GABRB1: variants seen among roughly 807,000 people sequenced by gnomAD.
GABRB1 encodes gamma-aminobutyric acid receptor subunit beta-1.
In GABRB1, 17 loss-of-function variants were observed where a neutral mutation model predicts 51.6. That is an observed-to-expected ratio of 0.33 (90% CI 0.23 to 0.49). The LOEUF (loss-of-function observed/expected upper bound fraction) is 0.49, where lower values mean the gene tolerates loss of function less well. Among genes scored for constraint, GABRB1 ranks in the 20% least tolerant of loss-of-function variants. The probability of loss-of-function intolerance (pLI) is 0.99; values close to 1 mark genes in which losing one functional copy is unlikely to be tolerated. For synonymous variants in GABRB1, 247 were observed against 218.9 expected (o/e 1.13, Z -1.14); for missense variants, 410 against 600.6 (o/e 0.68, Z 3.32).
intron 3 of GABRB1, among the ~76,000 whole-genome samples, chr4:47,069,025 C>A (rs990069539): frequency 5.9e-5 from 9 of 152,144 alleles, no homozygotes; most frequent in African/African-American, 2.2e-4. Flanking sequence ...AAACTAATCT[C>A]ATCTCATCTC....
At chr4:47,361,116 T>A (rs905277692) in intron 5 of GABRB1, among the ~76,000 whole-genome samples, 1 of 152,068 alleles carries the variant, frequency 6.6e-6, no homozygotes, top group Non-Finnish European at 1.5e-5. Flanking sequence ...TAATGAAGAC[T>A]CTTCAGAAGC....
chr4:47,292,507 G>C (rs1049193878), intron 4 of GABRB1, among the ~76,000 whole-genome samples: 1 of 152,176 alleles, frequency 6.6e-6, no homozygotes, highest in Non-Finnish European at 1.5e-5. Context: ...CTAATAAATG[G>C]AAAACCTAGA....
intron 5 of GABRB1, among the ~76,000 whole-genome samples, chr4:47,323,583 A>C (rs1388849414): frequency 6.6e-6 from 1 of 152,218 alleles, no homozygotes; most frequent in Non-Finnish European, 1.5e-5. Context: ...GAGAGGCTCT[A>C]GTGTCAGTCG....
intron 3 of GABRB1, among the ~76,000 whole-genome samples, chr4:47,077,957 T>TTTATATATATTATATATA (rs1727642933): frequency 9.9e-5 from 12 of 121,622 alleles, no homozygotes; most frequent in Non-Finnish European, 1.7e-4. Flanking sequence ...TATTATATAT[T>TTTATATATATTATATATA]TTATATATAT....
At chr4:47,283,454 C>G (rs1229952943) in intron 4 of GABRB1, among the ~76,000 whole-genome samples, 2 of 134,186 alleles carry the variant, frequency 1.5e-5, no homozygotes, top group African/African-American at 5.5e-5. Context: ...CACACGATCT[C>G]GGCTCACTGC....
At chr4:47,323,718 A>G (rs1375386392) in intron 5 of GABRB1, among the ~76,000 whole-genome samples, 2 of 152,194 alleles carry the variant, frequency 1.3e-5, no homozygotes, top group Admixed American at 1.3e-4. Context: ...CTCTCCCATC[A>G]CAATCTCAAG....
At chr4:47,166,024 T>A (rs1433425808) in intron 4 of GABRB1, among the ~76,000 whole-genome samples, 2 of 152,060 alleles carry the variant, frequency 1.3e-5, no homozygotes, top group Admixed American at 1.3e-4. Flanking sequence ...TCACTATCTG[T>A]CACTTCCTGG....
At chr4:47,000,039 T>C (rs1167341683) in intron 1 of GABRB1, among the ~76,000 whole-genome samples, 4 of 152,242 alleles carry the variant, frequency 2.6e-5, no homozygotes, top group Non-Finnish European at 1.5e-5. Context: ...GCTGGACTCA[T>C]GTCACCTTGT....
At chr4:47,257,552 G>A (rs1578040785) in intron 4 of GABRB1, among the ~76,000 whole-genome samples, 1 of 151,796 alleles carries the variant, frequency 6.6e-6, no homozygotes, top group South Asian at 2.1e-4. Context: ...TGTGGGGTGG[G>A]TGTAGGGAGG....
chr4:47,083,889 T>C (rs980880292), intron 3 of GABRB1, among the ~76,000 whole-genome samples: 4 of 152,158 alleles, frequency 2.6e-5, no homozygotes, highest in Non-Finnish European at 5.9e-5. Context: ...GTCAGAATAA[T>C]TGGCCACCTG....
intron 5 of GABRB1, among the ~76,000 whole-genome samples, chr4:47,391,171 G>A (rs112660046): frequency 0.014 from 2,055 of 151,896 alleles, 55 homozygotes; most frequent in East Asian, 0.073. Context: ...GCAAGACTCC[G>A]TCTCAAAGAA....
intron 4 of GABRB1, among the ~76,000 whole-genome samples, chr4:47,214,550 T>A (rs960135759): frequency 6.6e-6 from 1 of 152,140 alleles, no homozygotes; most frequent in African/African-American, 2.4e-5. Context: ...TTTAGAAAAA[T>A]ACCCTATGGG....
At chr4:47,113,197 C>A (rs544415209) in intron 3 of GABRB1, among the ~76,000 whole-genome samples, 1 of 151,998 alleles carries the variant, frequency 6.6e-6, no homozygotes, top group Non-Finnish European at 1.5e-5. Context: ...ATCAGCCTGG[C>A]TAACATAGTG....
At chr4:47,154,058 A>T (rs943572368) in intron 3 of GABRB1, among the ~76,000 whole-genome samples, 4 of 152,128 alleles carry the variant, frequency 2.6e-5, no homozygotes, top group Non-Finnish European at 5.9e-5. Context: ...TTAGAAATTA[A>T]CAGCAAACCT....
At chr4:47,276,741 T>C (rs1447662674) in intron 4 of GABRB1, among the ~76,000 whole-genome samples, 6 of 152,162 alleles carry the variant, frequency 3.9e-5, no homozygotes, top group Non-Finnish European at 1.5e-5. Flanking sequence ...ACTATTGATA[T>C]TTTCAGCCAG....
At chr4:47,164,625 G>A (rs1168809345) in intron 4 of GABRB1, among the ~76,000 whole-genome samples, 2 of 151,990 alleles carry the variant, frequency 1.3e-5, no homozygotes, top group Admixed American at 6.6e-5. Flanking sequence ...TTCCATAATC[G>A]TAACAGCATG....
At chr4:47,354,318 G>A (rs1312845360) in intron 5 of GABRB1, among the ~76,000 whole-genome samples, 2 of 152,132 alleles carry the variant, frequency 1.3e-5, no homozygotes, top group Non-Finnish European at 2.9e-5. Flanking sequence ...TTTTATAACT[G>A]TATGAACATT....
intron 4 of GABRB1, among the ~76,000 whole-genome samples, chr4:47,196,240 A>G (rs561617933): frequency 4.6e-5 from 7 of 152,340 alleles, no homozygotes; most frequent in African/African-American, 1.7e-4. Context: ...ACATGAATGT[A>G]AGAGAATTCT....
Position 47,145,539 on chromosome 4 carries a change from GGAGA to G in GABRB1, c.241-15697_241-15694del, listed in dbSNP as rs144525427. 2.0e-5 allele frequency among the ~76,000 whole-genome samples: 3 copies of G among 151,664 alleles called. No individual in the cohort carries two copies. The East Asian group carries it at 5.8e-4, about 29-fold the overall frequency. Reference sequence around the variant, plus strand: ...AAACTTATCGCCCCAGAAAGAAAATGGAGAGAGAGAGAGAGATTGTTCTGTGAGT... The same window carrying G: ...AAACTTATCGCCCCAGAAAGAAAATGGAGAGAGAGAGATTGTTCTGTGAGT... On this transcript the variant is annotated intron_variant, in intron 3 of 8. Coordinates refer to ENST00000295454, the MANE Select transcript of GABRB1 (RefSeq NM_000812.4).
Sources: gnomAD v4.1 joint callset for allele counts (sites outside exome capture counted in the v4.1 genomes callset) on GRCh38, gnomAD v4.1.1 for gene constraint, MANE v1.5 for transcripts, NCBI Gene and HGNC (gene_info 2026-07-23, HGNC 2026-07-21) for gene names.